PSPC1: variants seen among roughly 807,000 people sequenced by gnomAD.
PSPC1 encodes the protein paraspeckle protein 1.
Under a neutral mutation model 51.6 loss-of-function variants are expected in PSPC1, and 14 were observed. That is an observed-to-expected ratio of 0.27 (90% confidence interval 0.18 to 0.42). The LOEUF is 0.42. Among genes scored for constraint, PSPC1 ranks in the 10% least tolerant of loss-of-function variants. The probability of loss-of-function intolerance (pLI) is 1.00; values close to 1 mark genes in which losing one functional copy is unlikely to be tolerated. For synonymous variants in PSPC1, 193 were observed against 231.9 expected, an observed-to-expected ratio of 0.83 and a Z score of 1.53; for missense variants, 406 against 701.1, an observed-to-expected ratio of 0.58 and a Z score of 4.75.
chr13:19,711,278 G>A (rs1565982401), intron 6 of PSPC1, among the ~76,000 whole-genome samples: 1 of 152,162 alleles, frequency 6.6e-6, no homozygotes, highest in Non-Finnish European at 1.5e-5. Context: ...CCAACACTTT[G>A]GGAGGCTGAG....
At position 19,782,305 on chromosome 13, in the gene PSPC1, G is replaced by C. The variant is rs912804195; in HGVS notation, c.372+81C>G. On this transcript the variant is annotated intron_variant, in intron 1 of 8. Coordinates refer to ENST00000338910, the MANE Select transcript of PSPC1 (RefSeq NM_001354909.2). The surrounding 1 kb of genome is among the most constrained non-coding windows in gnomAD (Gnocchi z 4.5). ...GCCACAGGTTGAGACAGCGTCCTAG[G>C]ACGAGGCTGGCCTCAGCCCCACGAC... The C allele has an allele frequency of 3.4e-6, 5 of 1,490,008 alleles. No homozygotes were observed. Among genetic ancestry groups the C allele is most frequent in the Admixed American group, 4.6e-5 (2 of 43,380 alleles). 92.3% of individuals were successfully genotyped at this position (1,490,008 alleles called of 1,614,324 possible). A position where few individuals can be genotyped will look rare whatever the true frequency, so the allele number is the denominator to read the frequency against.
At chr13:19,733,599 A>G (rs1453714314) in intron 5 of PSPC1, among the ~76,000 whole-genome samples, 1 of 151,750 alleles carries the variant, frequency 6.6e-6, no homozygotes, top group Admixed American at 6.6e-5. Context: ...CATCTCTACT[A>G]AAAATACAAA....
intron 3 of PSPC1, among the ~76,000 whole-genome samples, chr13:19,759,081 T>G (rs1031967508): frequency 1.3e-5 from 2 of 151,152 alleles, no homozygotes; most frequent in African/African-American, 4.9e-5. Context: ...ACGTGGGAGG[T>G]AGAGATTACA....
chr13:19,715,557 C>G (rs1008321034), intron 6 of PSPC1, among the ~76,000 whole-genome samples: 1 of 152,160 alleles, frequency 6.6e-6, no homozygotes, highest in Non-Finnish European at 1.5e-5. Flanking sequence ...TGTGATGGGT[C>G]TAAGTCAAAA....
intron 7 of PSPC1, chr13:19,675,086 G>A (rs894918703): frequency 1.3e-5 from 2 of 152,870 alleles, no homozygotes; most frequent in South Asian, 4.1e-4. Flanking sequence ...TAGTTTTGAA[G>A]GTGACGCCAC....
At chr13:19,781,844 T>G (rs529436545) in intron 1 of PSPC1, among the ~76,000 whole-genome samples, 1 of 152,324 alleles carries the variant, frequency 6.6e-6, no homozygotes, top group Non-Finnish European at 1.5e-5. Context: ...TAGGTGTGGT[T>G]GAAGCCAAGG....
chr13:19,770,597 G>A (rs2138293358), intron 2 of PSPC1, among the ~76,000 whole-genome samples: 1 of 152,226 alleles, frequency 6.6e-6, no homozygotes, highest in East Asian at 1.9e-4. Flanking sequence ...AGACCAGCCT[G>A]CCCAACATGG....
At chr13:19,766,592 G>T (rs868678010) in intron 2 of PSPC1, among the ~76,000 whole-genome samples, 1 of 152,128 alleles carries the variant, frequency 6.6e-6, no homozygotes, top group Non-Finnish European at 1.5e-5. Context: ...GGCTGAGGTG[G>T]GAGGATCATG....
chr13:19,675,507 C>T (rs999090473), intron 7 of PSPC1: 1 of 152,024 alleles, frequency 6.6e-6, no homozygotes, highest in African/African-American at 2.4e-5. Context: ...GCCCCTGTAG[C>T]ATGTTTTTAA....
chr13:19,765,090 T>G (rs116137801), intron 2 of PSPC1, among the ~76,000 whole-genome samples: 5 of 152,104 alleles, frequency 3.3e-5, no homozygotes, highest in Admixed American at 2.6e-4. Flanking sequence ...TGGTTGAGAA[T>G]AGTTGAATAG....
At position 19,711,358 on chromosome 13, in the gene PSPC1, T is replaced by G. The variant is rs1881387802; in HGVS notation, c.1159-1759A>C. ...AACATGGTGAAACCTGTCTCTAGGTTGGGCGCGGTGGCTCACGCCTGTAAT... is the reference window on the plus strand; with the variant it reads ...AACATGGTGAAACCTGTCTCTAGGTGGGGCGCGGTGGCTCACGCCTGTAAT... On this transcript the variant is annotated intron_variant, in intron 6 of 8. Transcript: ENST00000338910. Among the ~76,000 whole-genome samples the G allele has an allele frequency of 4.0e-5, 6 of 151,666 alleles. No homozygotes were observed. In the South Asian group the frequency reaches 1.2e-3, roughly 32 times the overall value.
chr13:19,674,435 T>G (rs1876400653), downstream of PSPC1, among the ~76,000 whole-genome samples: 1 of 152,234 alleles, frequency 6.6e-6, no homozygotes, highest in African/African-American at 2.4e-5. Flanking sequence ...GAGAGTCTAT[T>G]TGAAGCTCAG....
chr13:19,687,567 A>G (rs527384631), intron 6 of PSPC1, among the ~76,000 whole-genome samples: 4 of 152,280 alleles, frequency 2.6e-5, no homozygotes, highest in African/African-American at 9.6e-5. Context: ...ACAGGGCCCC[A>G]ACCCTTCCAT....
intron 5 of PSPC1, among the ~76,000 whole-genome samples, chr13:19,730,983 A>T (rs1040061088): frequency 6.9e-6 from 1 of 145,732 alleles, no homozygotes; most frequent in Admixed American, 7.0e-5. Context: ...AAAAAAACAG[A>T]AAAAGTCTGA....
intron 6 of PSPC1, chr13:19,679,126 T>C (rs1382496413): frequency 3.9e-5 from 6 of 152,220 alleles, no homozygotes; most frequent in South Asian, 2.1e-4. Context: ...CCACCAGCAA[T>C]TGGCATTCTA....
At chr13:19,706,154 A>C (rs568739260) in intron 7 of PSPC1, among the ~76,000 whole-genome samples, 2 of 152,314 alleles carry the variant, frequency 1.3e-5, no homozygotes, top group South Asian at 2.1e-4. Flanking sequence ...ATCCCTAACA[A>C]TGGGGACTAC....
At chr13:19,776,609 G>A (rs968580962) in intron 1 of PSPC1, among the ~76,000 whole-genome samples, 4 of 151,536 alleles carry the variant, frequency 2.6e-5, no homozygotes, top group South Asian at 4.2e-4. Flanking sequence ...CTGGGTTCAC[G>A]CCATTCTCCT....
chr13:19,734,339 T>C (rs1398529632), intron 5 of PSPC1, among the ~76,000 whole-genome samples: 1 of 152,234 alleles, frequency 6.6e-6, no homozygotes, highest in Non-Finnish European at 1.5e-5. Context: ...ATTTGTTTTA[T>C]TTTGAGGCCC....
downstream of PSPC1, chr13:19,671,294 C>CA: frequency 6.2e-7 from 1 of 1,608,162 alleles, no homozygotes; most frequent in Non-Finnish European, 8.5e-7. Context: ...GCCAAGGTGA[C>CA]AGTCCTTTCT....
Sources: gnomAD v4.1 joint callset for allele counts (sites outside exome capture counted in the v4.1 genomes callset) on GRCh38, gnomAD v4.1.1 for gene constraint, Gnocchi (gnomAD v3.1) non-coding constraint, MANE v1.5 for transcripts, NCBI Gene and HGNC (gene_info 2026-07-23, HGNC 2026-07-21) for gene names.